ATXN1: variants seen among roughly 807,000 people sequenced by gnomAD.
ATXN1 encodes the protein ataxin-1.
A neutral mutation model predicts 56.4 loss-of-function variants in ATXN1; 8 were observed. That is an observed-to-expected ratio of 0.14 (90% CI 0.08 to 0.26). ATXN1 has a LOEUF of 0.26. ATXN1 is among the 10% of genes least tolerant of loss of function. The pLI is 1.00. For missense variants in ATXN1, 987 were observed against 1,106.5 expected, an observed-to-expected ratio of 0.89 and a Z score of 1.53; for synonymous variants, 514 against 494.6, an observed-to-expected ratio of 1.04 and a Z score of -0.52.
intron 2 of ATXN1, among the ~76,000 whole-genome samples, chr6:16,750,971 T>G (rs942702255): frequency 2.0e-5 from 3 of 147,890 alleles, no homozygotes; most frequent in African/African-American, 7.4e-5. Flanking sequence ...TTCCTCTCTT[T>G]TTTTTTTTTT....
chr6:16,398,491 C>T (rs1434686082), intron 6 of ATXN1, among the ~76,000 whole-genome samples: 1 of 152,134 alleles, frequency 6.6e-6, no homozygotes, highest in African/African-American at 2.4e-5. Context: ...TTTACACACA[C>T]ACACATTTCA....
chr6:16,691,788 C>T (rs1372697652), intron 2 of ATXN1, among the ~76,000 whole-genome samples: 1 of 152,194 alleles, frequency 6.6e-6, no homozygotes, highest in Non-Finnish European at 1.5e-5. Context: ...TGTCTGTGTG[C>T]CTCCAAAATT....
intron 4 of ATXN1, among the ~76,000 whole-genome samples, chr6:16,536,793 T>C (rs1238063312): frequency 1.3e-5 from 2 of 152,362 alleles, no homozygotes; most frequent in East Asian, 3.9e-4. Flanking sequence ...AAAAGCCATA[T>C]AGGATATGAG....
intron 6 of ATXN1, among the ~76,000 whole-genome samples, chr6:16,434,721 A>G (rs919043213): frequency 1.3e-5 from 2 of 152,228 alleles, no homozygotes; most frequent in African/African-American, 2.4e-5. Flanking sequence ...AGAATCTGCT[A>G]TACACCAGGC....
At chr6:16,367,348 T>G (rs1258989360) in intron 6 of ATXN1, among the ~76,000 whole-genome samples, 1 of 105,588 alleles carries the variant, frequency 9.5e-6, no homozygotes, top group Non-Finnish European at 2.1e-5. Context: ...TCTCTCTCTC[T>G]CTCTCTCTCT....
chr6:16,485,816 A>G (rs1454628804), intron 6 of ATXN1, 156 bp downstream of exon 6: 1 of 152,232 alleles, frequency 6.6e-6, no homozygotes, highest in African/African-American at 2.4e-5. Flanking sequence ...TTCCCTTAAA[A>G]AATTAAATTC....
At chr6:16,740,447 T>A (rs1760298835) in intron 2 of ATXN1, among the ~76,000 whole-genome samples, 1 of 152,170 alleles carries the variant, frequency 6.6e-6, no homozygotes, top group Non-Finnish European at 1.5e-5. Context: ...AGAGAAATGA[T>A]CTGATTGTAC....
chr6:16,581,195 C>CTGTG (rs60028007), intron 4 of ATXN1, among the ~76,000 whole-genome samples: 3,024 of 140,196 alleles, frequency 0.022, 38 homozygotes, highest in Non-Finnish European at 0.031. Flanking sequence ...CGAGAATGCA[C>CTGTG]TGTGTGTGTG....
intron 2 of ATXN1, among the ~76,000 whole-genome samples, chr6:16,692,159 G>A (rs1342030404): frequency 6.6e-6 from 1 of 152,238 alleles, no homozygotes; most frequent in Admixed American, 6.5e-5. Context: ...AGGAGGCTGA[G>A]ACAGTAGAAT....
intron 1 of ATXN1, chr6:16,761,082 A>ACACACG (rs1321662955): frequency 2.8e-6 from 1 of 356,176 alleles, no homozygotes; most frequent in African/African-American, 2.2e-5. Context: ...ACACACACAC[A>ACACACG]CACACGCACA....
intron 6 of ATXN1, among the ~76,000 whole-genome samples, chr6:16,390,566 C>T (rs1437050515): frequency 6.6e-6 from 1 of 152,058 alleles, no homozygotes; most frequent in Non-Finnish European, 1.5e-5. Context: ...GATTTTCTAC[C>T]TCCATTTGGC....
At chr6:16,673,482 G>A (rs989501511) in intron 2 of ATXN1, among the ~76,000 whole-genome samples, 1 of 152,044 alleles carries the variant, frequency 6.6e-6, no homozygotes, top group Non-Finnish European at 1.5e-5. Flanking sequence ...CTTTGTCAAG[G>A]CAGGCTGATT....
chr6:16,696,691 A>G (rs1759172815), intron 2 of ATXN1, among the ~76,000 whole-genome samples: 2 of 152,214 alleles, frequency 1.3e-5, no homozygotes, highest in Admixed American at 1.3e-4. Context: ...ACGGTTTTGC[A>G]TTCTCTGTGT....
intron 2 of ATXN1, among the ~76,000 whole-genome samples, chr6:16,741,675 C>T (rs971186075): frequency 6.6e-6 from 1 of 152,212 alleles, no homozygotes; most frequent in African/African-American, 2.4e-5. Context: ...TGAACTGTGT[C>T]ATGGAGTTTA....
Position 16,735,337 on chromosome 6 carries a change from T to C in ATXN1, c.-615+17896A>G, listed in dbSNP as rs141742244. Among the ~76,000 whole-genome samples the C allele has an allele frequency of 1.1e-4, 16 of 152,354 alleles. No homozygotes were observed. In the East Asian group the frequency reaches 2.5e-3, roughly 24 times the overall value. On this transcript the variant is annotated intron_variant, in intron 2 of 7. Transcript: ENST00000436367. ...AGAACAGGCTCCCTGCATTGTGGGC[T>C]TTTCTGAGTGTGTACACTCCCTCCT...
At chr6:16,675,881 T>A (rs1339810119) in intron 2 of ATXN1, among the ~76,000 whole-genome samples, 1 of 152,038 alleles carries the variant, frequency 6.6e-6, no homozygotes, top group East Asian at 1.9e-4. Flanking sequence ...GGAGTGAGAC[T>A]CTTTCTCAAA....
At chr6:16,603,984 C>T (rs191929943) in intron 3 of ATXN1, among the ~76,000 whole-genome samples, 168 of 152,196 alleles carry the variant, frequency 1.1e-3, no homozygotes, top group Non-Finnish European at 1.6e-3. Flanking sequence ...AGGTCAGCAT[C>T]GAGTGATACT....
At chr6:16,653,601 G>A (rs1758120347) in intron 3 of ATXN1, among the ~76,000 whole-genome samples, 1 of 152,166 alleles carries the variant, frequency 6.6e-6, no homozygotes, top group Non-Finnish European at 1.5e-5. Flanking sequence ...CATAGCTGAT[G>A]TCCCCACTAT....
chr6:16,488,933 AT>A (rs1465395014), intron 5 of ATXN1, among the ~76,000 whole-genome samples: 5 of 152,102 alleles, frequency 3.3e-5, no homozygotes, highest in Non-Finnish European at 5.9e-5. Context: ...AAGGTGTCCA[AT>A]ATCTTGCCAT....
Sources: allele counts gnomAD v4.1 joint callset (sites outside exome capture counted in the v4.1 genomes callset), GRCh38; gene constraint gnomAD v4.1.1; transcripts MANE v1.5; gene names NCBI Gene and HGNC (gene_info 2026-07-23, HGNC 2026-07-21).